The following TCERG1 variants were observed in gnomAD, a reference collection of about 807,000 sequenced individuals.
TCERG1 encodes TATA box binding protein (TBP)-associated factor, RNA polymerase II, S, 150kD.
A neutral mutation model predicts 144.7 loss-of-function variants in TCERG1; 37 were observed. The observed-to-expected ratio is 0.26, with a 90% CI of 0.20 to 0.34. The LOEUF (loss-of-function observed/expected upper bound fraction) is 0.34, where lower values mean the gene tolerates loss of function less well. Among genes scored for constraint, TCERG1 ranks in the 10% least tolerant of loss-of-function variants. The pLI, the probability that TCERG1 is intolerant of heterozygous loss-of-function variation, is 1.00. For missense variants in TCERG1, 1,027 were observed against 1,380.7 expected, an observed-to-expected ratio of 0.74 and a Z score of 4.06; for synonymous variants, 492 against 458.2, an observed-to-expected ratio of 1.07 and a Z score of -0.94.
chr5:146,509,117 A>C, intron 21 of TCERG1, 28 bp from the exon 22 acceptor site: 1 of 1,384,146 alleles, frequency 7.2e-7, no homozygotes, highest in Non-Finnish European at 1.0e-6. Context: ...TATTTCCATA[A>C]TCTCAACTTT....
intron 16 of TCERG1, among the ~76,000 whole-genome samples, chr5:146,498,159 T>A (rs535667537): frequency 9.2e-5 from 14 of 152,266 alleles, no homozygotes; most frequent in African/African-American, 3.4e-4. Flanking sequence ...TTTATAGTTG[T>A]GTATGGAGAG....
intron 4 of TCERG1, 76 bp from the exon 5 acceptor site, chr5:146,463,475 A>G (rs1357821430): frequency 1.9e-6 from 3 of 1,584,768 alleles, no homozygotes; most frequent in Middle Eastern, 1.7e-4. Flanking sequence ...AAATTACTGA[A>G]TGTGTAAATG....
chr5:146,510,009 C>T (rs1768337186), intron 22 of TCERG1: 1 of 1,268,258 alleles, frequency 7.9e-7, no homozygotes, highest in Non-Finnish European at 1.0e-6. Context: ...TAATGTTTTG[C>T]ATCAGCTTGG....
At chr5:146,465,261 G>C (rs949403297) in intron 5 of TCERG1, among the ~76,000 whole-genome samples, 1 of 152,162 alleles carries the variant, frequency 6.6e-6, no homozygotes, top group Non-Finnish European at 1.5e-5. Flanking sequence ...GATTCTGAGT[G>C]ATCTCAAGGA....
At chr5:146,484,750 A>G (rs1233701102) in intron 15 of TCERG1, among the ~76,000 whole-genome samples, 1 of 152,024 alleles carries the variant, frequency 6.6e-6, no homozygotes, top group Non-Finnish European at 1.5e-5. Flanking sequence ...TACTTTTCCC[A>G]CTTCCCCTTT....
chr5:146,493,127 A>G (rs1185041331), intron 16 of TCERG1, 89 bp downstream of exon 16: 8 of 995,494 alleles, frequency 8.0e-6, no homozygotes, highest in Non-Finnish European at 1.2e-5. Context: ...ATATTTTTTG[A>G]CTATTTGGGC....
intron 15 of TCERG1, among the ~76,000 whole-genome samples, chr5:146,489,104 T>G (rs2150665696): frequency 6.6e-6 from 1 of 152,270 alleles, no homozygotes; most frequent in East Asian, 1.9e-4. Context: ...TAATTAAAAC[T>G]GGATAGGAAG....
chr5:146,476,655 T>C (rs1330314050), intron 9 of TCERG1, among the ~76,000 whole-genome samples: 1 of 152,248 alleles, frequency 6.6e-6, no homozygotes, highest in Admixed American at 6.5e-5. Flanking sequence ...GTTTGAGTAT[T>C]GTACATGAAA....
intron 9 of TCERG1, among the ~76,000 whole-genome samples, chr5:146,473,168 A>T (rs1764508808): frequency 6.6e-6 from 1 of 152,244 alleles, no homozygotes; most frequent in Non-Finnish European, 1.5e-5. Flanking sequence ...TCATGTGAAC[A>T]TAAGAATGAT....
At chr5:146,465,943 C>T (rs1473180376) in intron 5 of TCERG1, among the ~76,000 whole-genome samples, 1 of 149,412 alleles carries the variant, frequency 6.7e-6, no homozygotes, top group African/African-American at 2.5e-5. Context: ...TTTCTTGAAC[C>T]TGGGAGGTGG....
intron 1 of TCERG1, among the ~76,000 whole-genome samples, chr5:146,451,773 G>GTT (rs201619973): frequency 4.3e-4 from 59 of 137,296 alleles, no homozygotes; most frequent in East Asian, 1.1e-3. Context: ...AGGCAAATTA[G>GTT]TTTTTTTTTT....
intron 1 of TCERG1, among the ~76,000 whole-genome samples, chr5:146,454,117 C>A (rs1051409391): frequency 6.6e-6 from 1 of 151,496 alleles, no homozygotes; most frequent in Non-Finnish European, 1.5e-5. Context: ...AGAAGAATCG[C>A]CTGAACCCGG....
In TCERG1 at chr5:146,469,619, C is replaced by T. The variant is rs564301497; in HGVS notation, c.1274C>T (p.Thr425Ile). ...GTTGCTATTGCAGCTTCACCTGCTA[C>T]CTTAGCTGGAGCAACAGCAGTTTCT... ...PQVAIAASPA[T>I]LAGATAVSEW... Residue 425 changes from threonine (T) to isoleucine (I), a missense_variant, in exon 7 of 23, where the codon ACC (threonine) becomes ATC (isoleucine). By Grantham distance (89) the Thr-to-Ile change is moderately conservative. Around this residue, in one of 6 missense-constraint regions of TCERG1, gnomAD observed 482 missense variants for 632.6 expected, o/e 0.76. Coordinates refer to ENST00000679501, the MANE Select transcript of TCERG1 (RefSeq NM_001382548.1). 3 of 1,613,512 alleles carry T rather than the reference C, an allele frequency of 1.9e-6. No individual in the cohort carries two copies. Among genetic ancestry groups the T allele is most frequent in the African/African-American group, 1.3e-5 (1 of 75,008 alleles).
At chr5:146,447,539 G>C in intron 1 of TCERG1, 131 bp downstream of exon 1, 1 of 1,223,020 alleles carries the variant, frequency 8.2e-7, no homozygotes, top group Non-Finnish European at 1.1e-6. Context: ...GGACCGCATG[G>C]GGTTTAAGAA....
intron 9 of TCERG1, among the ~76,000 whole-genome samples, chr5:146,478,241 A>T (rs78289491): frequency 0.063 from 9,665 of 152,218 alleles, 426 homozygotes; most frequent in Non-Finnish European, 0.085. Context: ...ATTCCTAAGC[A>T]TTTTAATCTC....
Position 146,463,670 on chromosome 5 carries a change from C to G in TCERG1, c.1012C>G (p.Gln338Glu). 6.2e-7 allele frequency: 1 copy of G among 1,614,218 alleles called. No individual in the cohort carries two copies. The highest frequency in any genetic ancestry group is 8.5e-7 in the Non-Finnish European group (1 of 1,180,034). The change falls in exon 5 of 23, where the codon CAG becomes GAG. Residue 338 changes from glutamine to glutamate, a missense_variant. This residue lies in a region of TCERG1 where 187 missense variants were observed against 169.1 expected (regional missense o/e 1.11). Coordinates refer to ENST00000679501, the MANE Select transcript of TCERG1 (RefSeq NM_001382548.1). ...PVQTVPQPHP[Q>E]TLPPAVPHSV... Reference sequence around the variant, plus strand: ...GCAAACCGTTCCCCAGCCGCACCCTCAGACGTTACCTCCTGCTGTTCCTCA... The same window carrying G: ...GCAAACCGTTCCCCAGCCGCACCCTGAGACGTTACCTCCTGCTGTTCCTCA...
At chr5:146,504,062 T>C in intron 19 of TCERG1, 56 bp downstream of exon 19, 4 of 1,354,188 alleles carry the variant, frequency 3.0e-6, no homozygotes, top group Non-Finnish European at 3.9e-6. Context: ...GGAAATTTAT[T>C]ATGTTACTGT....
chr5:146,490,578 A>G (rs890281554), intron 15 of TCERG1, among the ~76,000 whole-genome samples: 13 of 152,194 alleles, frequency 8.5e-5, no homozygotes, highest in African/African-American at 2.9e-4. Context: ...CTCTATAAGT[A>G]TGTAGCTCTC....
At chr5:146,450,696 C>T (rs745668578) in intron 1 of TCERG1, among the ~76,000 whole-genome samples, 20 of 152,160 alleles carry the variant, frequency 1.3e-4, no homozygotes, top group Non-Finnish European at 2.2e-4. Flanking sequence ...TAATTAACAT[C>T]AGAAAATGGC....
Sources: allele counts gnomAD v4.1 joint callset (sites outside exome capture counted in the v4.1 genomes callset), GRCh38; gene constraint gnomAD v4.1.1; regional missense constraint gnomAD v4.1.1; transcripts MANE v1.5; gene names NCBI Gene and HGNC (gene_info 2026-07-23, HGNC 2026-07-21).